AGA: variants seen among roughly 807,000 people sequenced by gnomAD.
AGA encodes the protein aspartylglucosaminidase.
In AGA, 31 loss-of-function variants were observed where a neutral mutation model predicts 40.1. That is an observed-to-expected ratio of 0.77 (90% CI 0.58 to 1.04). The LOEUF (loss-of-function observed/expected upper bound fraction) is 1.04. Among genes scored for constraint, AGA ranks in the 50% least tolerant of loss-of-function variants. AGA has a pLI of 0.00. For missense variants in AGA, 445 were observed against 435.4 expected, an observed-to-expected ratio of 1.02 and a Z score of -0.20; for synonymous variants, 148 against 144.0, an observed-to-expected ratio of 1.03 and a Z score of -0.20.
intron 2 of AGA, 150 bp from the exon 3 acceptor site, chr4:177,439,838 A>C (rs1736938442): frequency 1.4e-6 from 1 of 714,728 alleles, no homozygotes; most frequent in Admixed American, 2.1e-5. Context: ...GTTCATATAG[A>C]TTCCCACAAT....
intron 1 of AGA, among the ~76,000 whole-genome samples, chr4:177,441,561 C>A (rs114490587): frequency 6.6e-6 from 1 of 152,166 alleles, no homozygotes; most frequent in African/African-American, 2.4e-5. Context: ...TCAGGGAACG[C>A]TTCCTGGAAG....
Position 177,433,249 on chromosome 4 carries a change from C to T in AGA, c.905G>A (p.Gly302Glu). The T allele has an allele frequency of 6.2e-7, 1 of 1,614,054 alleles. No individual in the cohort carries two copies. The highest frequency in any genetic ancestry group is 1.3e-5 in the African/African-American group (1 of 75,028). Reference protein sequence around the residue: ...RIQKHFPEFFGAVICANVTGS... With the variant: ...RIQKHFPEFFEAVICANVTGS... Reference sequence around the variant, plus strand: ...AGTCACATTGGCACATATAACAGCCCCAAAGAATTCTGGAAAATGCTTCTG... The same window carrying T: ...AGTCACATTGGCACATATAACAGCCTCAAAGAATTCTGGAAAATGCTTCTG... Residue 302 changes from glycine to glutamate, a missense_variant, in exon 8 of 9, where the codon GGG becomes GAG. Coordinates refer to ENST00000264595, the MANE Select transcript of AGA (RefSeq NM_000027.4).
At position 177,433,336 on chromosome 4, in the gene AGA, ACAGCTTGGTAG is replaced by A; in HGVS notation, c.807_817del (p.Tyr270ArgfsTer46). On this transcript the variant is annotated frameshift_variant and splice_region_variant, in exon 8 of 9. Coordinates refer to ENST00000264595, the MANE Select transcript of AGA (RefSeq NM_000027.4). LOFTEE classifies it high-confidence loss of function. ...ATCTTCTCCTCTTCTCATGTATTCT[ACAGCTTGGTAG>A]CTGATTGAAACAGAGGTGAAACCTT... The A allele has an allele frequency of 6.2e-7, 1 of 1,614,052 alleles. No homozygotes were observed. Among genetic ancestry groups the A allele is most frequent in the Non-Finnish European group, 8.5e-7 (1 of 1,179,966 alleles).
At chr4:177,434,551 G>T in intron 6 of AGA, 62 bp from the exon 7 acceptor site, 2 of 1,375,486 alleles carry the variant, frequency 1.5e-6, no homozygotes, top group Non-Finnish European at 2.1e-6. Flanking sequence ...TAAGTCATAA[G>T]CTGTTCCAAA....
At chr4:177,440,009 G>T (rs1031106719) in intron 2 of AGA, 28 of 585,156 alleles carry the variant, frequency 4.8e-5, no homozygotes, top group Non-Finnish European at 7.8e-5. Flanking sequence ...GCAGATAAAT[G>T]ATTGTTTATA....
At chr4:177,440,484 A>T in intron 1 of AGA, 58 bp from the exon 2 acceptor site, 3 of 1,569,456 alleles carry the variant, frequency 1.9e-6, no homozygotes, top group Non-Finnish European at 2.6e-6. Flanking sequence ...TCAATGCCAA[A>T]TGCAACAAAC....
intron 2 of AGA, 85 bp from the exon 3 acceptor site, chr4:177,439,773 T>C (rs960114190): frequency 1.1e-5 from 11 of 1,019,586 alleles, no homozygotes; most frequent in South Asian, 8.8e-5. Context: ...CAATCAATAG[T>C]GTTTTGCGGT....
chr4:177,435,522 G>A (rs909029800), intron 6 of AGA, among the ~76,000 whole-genome samples: 1 of 151,944 alleles, frequency 6.6e-6, no homozygotes, highest in African/African-American at 2.4e-5. Flanking sequence ...ATCTATTTCC[G>A]CTTCCTATGT....
At chr4:177,433,441 G>A in intron 7 of AGA, 94 bp from the exon 8 acceptor site, 1 of 1,453,204 alleles carries the variant, frequency 6.9e-7, no homozygotes, top group South Asian at 1.1e-5. Flanking sequence ...CACCAAAATT[G>A]CCACATGTGA....
chr4:177,439,833 T>C (rs562755735), intron 2 of AGA, 145 bp from the exon 3 acceptor site: 23 of 730,962 alleles, frequency 3.1e-5, no homozygotes, highest in South Asian at 2.9e-4. Context: ...ACGAAGTTCA[T>C]ATAGATTCCC....
At position 177,430,971 on chromosome 4, in the gene AGA, A is replaced by C. The variant is rs1351817127; in HGVS notation, c.*737T>G. On this transcript the variant is annotated 3_prime_UTR_variant, in exon 9 of 9. Transcript: ENST00000264595. ...TTGCCATACCCACCTCTGCACAAGG[A>C]ATTAGTAAAATTACAGTACAGATCA... is the stretch of plus-strand genomic sequence containing the variant. 4 of 453,968 alleles carry C rather than the reference A, an allele frequency of 8.8e-6. No individual in the cohort carries two copies. Among genetic ancestry groups the C allele is most frequent in the Non-Finnish European group, 1.3e-5 (3 of 226,788 alleles). 28.1% of individuals were successfully genotyped at this position (453,968 alleles called of 1,614,324 possible). A position where few individuals can be genotyped will look rare whatever the true frequency, so the allele number is the denominator to read the frequency against.
intron 6 of AGA, among the ~76,000 whole-genome samples, chr4:177,435,089 T>C (rs1736768506): frequency 2.1e-5 from 3 of 142,728 alleles, no homozygotes; most frequent in Non-Finnish European, 3.1e-5. Flanking sequence ...TTTTTTTTTT[T>C]CAGTAGAGAC....
chr4:177,433,053 G>A (rs919056987), intron 8 of AGA, among the ~76,000 whole-genome samples, 161 bp downstream of exon 8: 1 of 152,134 alleles, frequency 6.6e-6, no homozygotes, highest in Non-Finnish European at 1.5e-5. Flanking sequence ...TATTTTTAAC[G>A]CTGTGGGTCT....
At chr4:177,434,335 A>G (rs751384514) in intron 7 of AGA, 47 bp downstream of exon 7, 11 of 1,551,538 alleles carry the variant, frequency 7.1e-6, no homozygotes, top group Middle Eastern at 1.7e-4. Flanking sequence ...AAAGAAAAAA[A>G]TATCTTCTCC....
chr4:177,438,669 C>A lies in AGA; in HGVS notation c.507+76G>T. On this transcript the variant is annotated intron_variant, in intron 4 of 8. Transcript: ENST00000264595. ...GCTAACCAGTACCCTGGACAACAGG[C>A]AGGCAACACTGAGCAGAAAGGATGT... 6.0e-6 allele frequency: 6 copies of A among 995,424 alleles called. No individual in the cohort carries two copies. The South Asian group carries it at 8.1e-5, about 13-fold the overall frequency. 61.7% of individuals were successfully genotyped at this position (995,424 alleles called of 1,614,324 possible).
intron 6 of AGA, among the ~76,000 whole-genome samples, chr4:177,435,307 T>C (rs1105059): frequency 0.25 from 38,645 of 152,146 alleles, 5,981 homozygotes; most frequent in Non-Finnish European, 0.34. Flanking sequence ...CTACAACATA[T>C]ACATATATCA....
At position 177,441,721 on chromosome 4, in the gene AGA, C is replaced by CT. The variant is rs533061524; in HGVS notation, c.127+527_127+528insA. 2.0e-3 allele frequency among the ~76,000 whole-genome samples: 298 copies of CT among 152,160 alleles called. 1 individual carries two copies. Among genetic ancestry groups the CT allele is most frequent in the African/African-American group, 7.0e-3 (292 of 41,528 alleles). The stretch of plus-strand genomic sequence containing the variant: ...CGGCAGGATGATTTTTGAGAAGCTC[C>CT]CCAGATAGTGTGAATGTACAGCAAA... On this transcript the variant is annotated intron_variant, in intron 1 of 8. Coordinates refer to ENST00000264595, the MANE Select transcript of AGA (RefSeq NM_000027.4).
chr4:177,440,805 C>T lies in AGA; in HGVS notation c.128-379G>A, dbSNP rs1432333160. On this transcript the variant is annotated intron_variant, in intron 1 of 8. Coordinates refer to ENST00000264595, the MANE Select transcript of AGA (RefSeq NM_000027.4). ...CCGCAGCCTTCTTCACACATTTCTT[C>T]TGCATCATTAGATTAAAATATGCAT... 2.0e-5 allele frequency among the ~76,000 whole-genome samples: 3 copies of T among 152,176 alleles called. No individual in the cohort carries two copies. The East Asian group carries it at 5.8e-4, about 29-fold the overall frequency.
At chr4:177,440,462 T>C (rs749057212) in intron 1 of AGA, 36 bp from the exon 2 acceptor site, 1 of 1,601,182 alleles carries the variant, frequency 6.2e-7, no homozygotes, top group East Asian at 2.2e-5. Flanking sequence ...TGTTTATATA[T>C]ATATTTTTTT....
Sources: gnomAD v4.1 joint callset for allele counts (sites outside exome capture counted in the v4.1 genomes callset) on GRCh38, gnomAD v4.1.1 for gene constraint, MANE v1.5 for transcripts, NCBI Gene and HGNC (gene_info 2026-07-23, HGNC 2026-07-21) for gene names.